Variants in AFF2 observed in about 807,000 individuals in gnomAD.
AFF2 encodes AF4/FMR2 family member 2.
A neutral mutation model predicts 76.9 loss-of-function variants in AFF2; 14 were observed. That is an observed-to-expected ratio of 0.18 (90% CI 0.12 to 0.28). The LOEUF is 0.28. Ranked by LOEUF, AFF2 falls within the 10% of genes least tolerant of loss-of-function variation. AFF2 has a pLI of 1.00. For synonymous variants in AFF2, 398 were observed against 366.7 expected (o/e 1.09, Z -0.98); for missense variants, 868 against 1,001.1 (o/e 0.87, Z 1.79).
chrX:148,702,901 C>T (rs191680147), intron 3 of AFF2, among the ~76,000 whole-genome samples: 2 of 112,116 alleles, frequency 1.8e-5, no homozygotes, highest in Non-Finnish European at 3.8e-5. Flanking sequence ...GATACGATTT[C>T]GGGTAAACAA....
chrX:148,686,583 TTCAG>T (rs1557260372), intron 3 of AFF2, among the ~76,000 whole-genome samples: 1 of 111,787 alleles, frequency 8.9e-6, no homozygotes, highest in Non-Finnish European at 1.9e-5. Flanking sequence ...CTTCGCCTCT[TTCAG>T]TCAATTTCCT....
intron 9 of AFF2, among the ~76,000 whole-genome samples, chrX:148,930,547 A>G (rs1557284273): frequency 1.8e-5 from 2 of 112,463 alleles, no homozygotes. Context: ...GCCAGGGCCA[A>G]TTAGCAACAG....
At chrX:148,734,052 C>G (rs2055257353) in intron 3 of AFF2, among the ~76,000 whole-genome samples, 1 of 112,358 alleles carries the variant, frequency 8.9e-6, no homozygotes, top group Admixed American at 9.4e-5. Context: ...CTGCAGCCCT[C>G]TTGTCCACCC....
At chrX:148,867,244 G>A (rs116223443) in intron 7 of AFF2, among the ~76,000 whole-genome samples, 4,065 of 112,195 alleles carry the variant, frequency 0.036, 191 homozygotes, top group African/African-American at 0.12. Flanking sequence ...ACGCATTCCC[G>A]TCATTTGGAT....
At chrX:148,504,189 A>G (rs1557232208) in intron 1 of AFF2, among the ~76,000 whole-genome samples, 1 of 111,358 alleles carries the variant, frequency 9.0e-6, no homozygotes, top group African/African-American at 3.3e-5. Flanking sequence ...TACAAAATGT[A>G]CAGCCTTTCA....
chrX:148,752,216 C>T (rs782038504), intron 3 of AFF2, among the ~76,000 whole-genome samples: 4 of 111,850 alleles, frequency 3.6e-5, no homozygotes, highest in Non-Finnish European at 7.5e-5. Flanking sequence ...GCCAGGAATA[C>T]CATCCTATTT....
intron 7 of AFF2, among the ~76,000 whole-genome samples, chrX:148,851,254 T>G (rs1244055653): frequency 9.0e-6 from 1 of 111,546 alleles, no homozygotes; most frequent in Non-Finnish European, 1.9e-5. Flanking sequence ...GCACACAAAA[T>G]TACAGCTGTA....
chrX:148,572,250 A>C (rs2053237781), intron 1 of AFF2, among the ~76,000 whole-genome samples: 1 of 111,922 alleles, frequency 8.9e-6, no homozygotes, highest in African/African-American at 3.2e-5. Context: ...AAGAAGATAC[A>C]CAGCAACAAG....
chrX:148,927,537 A>G (rs1490332296), intron 9 of AFF2, among the ~76,000 whole-genome samples: 2 of 110,284 alleles, frequency 1.8e-5, no homozygotes, highest in Non-Finnish European at 3.8e-5. Context: ...AAACTCCACT[A>G]TAGTCTCATT....
chrX:148,860,345 G>A (rs2070833473), intron 7 of AFF2, among the ~76,000 whole-genome samples: 1 of 111,992 alleles, frequency 8.9e-6, no homozygotes, highest in Admixed American at 9.5e-5. Flanking sequence ...AGATCAGTTT[G>A]CATAACATTT....
intron 16 of AFF2, among the ~76,000 whole-genome samples, chrX:148,975,963 A>AAAAAAAAAAAAAAAAAT (rs1569557890): frequency 1.0e-5 from 1 of 99,545 alleles, no homozygotes; most frequent in East Asian, 3.3e-4. Flanking sequence ...AAAAAAAAAA[A>AAAAAAAAAAAAAAAAAT]ATATGAAAGT....
intron 3 of AFF2, among the ~76,000 whole-genome samples, chrX:148,691,079 T>C (rs1557260722): frequency 1.8e-5 from 2 of 111,958 alleles, no homozygotes; most frequent in African/African-American, 6.5e-5. Flanking sequence ...GTAGTGGATG[T>C]TAGGACATTC....
intron 3 of AFF2, among the ~76,000 whole-genome samples, chrX:148,685,249 G>A (rs782084686): frequency 7.1e-5 from 8 of 111,998 alleles, no homozygotes; most frequent in South Asian, 3.7e-4. Flanking sequence ...GAGGAAAAGG[G>A]GAGATGGAAG....
intron 7 of AFF2, among the ~76,000 whole-genome samples, chrX:148,880,622 G>A (rs1478182484): frequency 2.7e-5 from 3 of 111,372 alleles, no homozygotes; most frequent in Non-Finnish European, 3.8e-5. Flanking sequence ...TGAACTCTGG[G>A]GTATTTAGAA....
chrX:148,961,328 G>C (rs1235586691), intron 12 of AFF2, among the ~76,000 whole-genome samples: 1 of 112,217 alleles, frequency 8.9e-6, no homozygotes, highest in Non-Finnish European at 1.9e-5. Context: ...TCTGCTTGTT[G>C]TGGAGCTTCC....
chrX:148,956,246 C>G lies in AFF2; in HGVS notation c.2201C>G (p.Pro734Arg), dbSNP rs1557287310. ...QEETLQIKVL[P>R]PCIISGGNTA... ...GAGACCCTGCAAATCAAAGTCCTGC[C>G]TCCGTGCATTATTTCTGGAGGTAAT... The change falls in exon 11 of 21, where the codon CCT becomes CGT. Residue 734 changes from proline to arginine, a missense_variant. Pro to Arg is a moderately radical substitution (Grantham distance 103, BLOSUM62 -2). This residue lies in a region of AFF2 where 532 missense variants were observed against 564.2 expected (regional missense o/e 0.94). Coordinates refer to ENST00000370460, the MANE Select transcript of AFF2 (RefSeq NM_002025.4). The G allele has an allele frequency of 1.7e-6, 2 of 1,211,776 alleles. No individual in the cohort carries two copies. The highest frequency in any genetic ancestry group is 2.2e-6 in the Non-Finnish European group (2 of 895,533).
At chrX:148,979,134 G>C (rs936594831) in intron 18 of AFF2, among the ~76,000 whole-genome samples, 2 of 111,911 alleles carry the variant, frequency 1.8e-5, no homozygotes, top group Middle Eastern at 4.6e-3. Context: ...TTAGAGTTGG[G>C]GAGACTCAAG....
intron 3 of AFF2, among the ~76,000 whole-genome samples, chrX:148,684,610 C>A (rs1030229895): frequency 1.8e-5 from 2 of 112,150 alleles, no homozygotes; most frequent in Admixed American, 1.9e-4. Context: ...AGCACTTAGG[C>A]ACTTAGAACA....
In AFF2 at chrX:148,966,938, C is replaced by A; in HGVS notation, c.3062C>A (p.Thr1021Asn). Residue 1021 changes from threonine to asparagine, a missense_variant, in exon 14 of 21, where the codon ACT (threonine) becomes AAT (asparagine). Thr to Asn is a moderately conservative substitution (Grantham distance 65). Coordinates refer to ENST00000370460, the MANE Select transcript of AFF2 (RefSeq NM_002025.4). ...ACGGCCACCACCACAACTACTACCA[C>A]TACCATTTCCACCATCACCTCTACC... The part of the protein sequence containing the change: ...TATATTTTTT[T>N]TISTITSTIT... 8.3e-7 allele frequency: 1 copy of A among 1,211,656 alleles called. No individual in the cohort carries two copies. Among genetic ancestry groups the A allele is most frequent in the Admixed American group, 2.2e-5 (1 of 46,024 alleles).
Sources: gnomAD v4.1 joint callset for allele counts (sites outside exome capture counted in the v4.1 genomes callset) on GRCh38, gnomAD v4.1.1 for gene constraint, gnomAD v4.1.1 regional missense constraint, MANE v1.5 for transcripts, NCBI Gene and HGNC (gene_info 2026-07-23, HGNC 2026-07-21) for gene names.